Variants in GPR39 observed in about 807,000 individuals in gnomAD.
The protein encoded by GPR39 is G protein-coupled receptor 39, also known as zinc sensing receptor.
GPR39 carries 23 observed loss-of-function variants against 18.4 expected under a neutral mutation model. The ratio of observed to expected loss-of-function variants is 1.25; its 90% CI spans 0.90 to 1.77. The LOEUF is 1.77. Among genes scored for constraint, GPR39 ranks in the 40% most tolerant of loss-of-function variants. The pLI, the probability that GPR39 is intolerant of heterozygous loss-of-function variation, is 0.00. For synonymous variants in GPR39, 280 were observed against 257.9 expected (o/e 1.09, Z -0.82); for missense variants, 647 against 602.4 (o/e 1.07, Z -0.78).
intron 1 of GPR39, among the ~76,000 whole-genome samples, chr2:132,492,937 TAC>T (rs1366900234): frequency 7.5e-4 from 107 of 142,034 alleles, no homozygotes; most frequent in African/African-American, 1.4e-3. Context: ...ACACCATATA[TAC>T]ACACCATATA....
At chr2:132,439,713 A>AT (rs1248293666) in intron 1 of GPR39, among the ~76,000 whole-genome samples, 8 of 152,170 alleles carry the variant, frequency 5.3e-5, no homozygotes, top group African/African-American at 1.9e-4. Flanking sequence ...GAGAGAAGTG[A>AT]TTTTTAAAAA....
intron 1 of GPR39, among the ~76,000 whole-genome samples, chr2:132,524,922 C>T (rs1490054781): frequency 6.6e-6 from 1 of 152,188 alleles, no homozygotes; most frequent in Non-Finnish European, 1.5e-5. Flanking sequence ...TCATTTTCCT[C>T]TGCGAATCGC....
At chr2:132,627,293 T>C (rs1681567571) in intron 1 of GPR39, among the ~76,000 whole-genome samples, 1 of 152,202 alleles carries the variant, frequency 6.6e-6, no homozygotes, top group South Asian at 2.1e-4. Flanking sequence ...CATCGGGTAC[T>C]CTTACTGGAG....
intron 1 of GPR39, among the ~76,000 whole-genome samples, chr2:132,476,702 A>G (rs1681135973): frequency 6.6e-6 from 1 of 151,214 alleles, no homozygotes; most frequent in East Asian, 1.9e-4. Context: ...CACTGATAAC[A>G]TGGCGGGAAA....
intron 1 of GPR39, among the ~76,000 whole-genome samples, chr2:132,450,067 A>G (rs568467622): frequency 6.6e-6 from 1 of 152,328 alleles, no homozygotes; most frequent in African/African-American, 2.4e-5. Flanking sequence ...ATGTGGAACC[A>G]TCAGGGTTTC....
chr2:132,645,073 T>C (rs1473543196), intron 1 of GPR39, 28 bp from the exon 2 acceptor site: 1 of 1,586,792 alleles, frequency 6.3e-7, no homozygotes, highest in Non-Finnish European at 8.6e-7. Flanking sequence ...CTTTTCTCTG[T>C]CTCTCCCTCC....
At chr2:132,484,214 T>C (rs1417515175) in intron 1 of GPR39, among the ~76,000 whole-genome samples, 1 of 152,250 alleles carries the variant, frequency 6.6e-6, no homozygotes, top group African/African-American at 2.4e-5. Context: ...CTAATGAGCA[T>C]GCCTATGGCC....
chr2:132,569,566 G>T (rs1023000683), intron 1 of GPR39, among the ~76,000 whole-genome samples: 16 of 151,694 alleles, frequency 1.1e-4, no homozygotes, highest in Admixed American at 3.3e-4. Flanking sequence ...CGGCTTTGAG[G>T]GCTGAGTTCT....
intron 1 of GPR39, among the ~76,000 whole-genome samples, chr2:132,455,187 A>G (rs1680698845): frequency 6.6e-6 from 1 of 152,096 alleles, no homozygotes; most frequent in East Asian, 1.9e-4. Context: ...CAGAGATTCG[A>G]CTTCTTCCTG....
In GPR39 at chr2:132,545,534, A is replaced by G. The variant is rs374088283; in HGVS notation, c.857-99567A>G. Among the ~76,000 whole-genome samples the G allele has an allele frequency of 9.2e-5, 14 of 152,290 alleles. No individual in the cohort carries two copies. The East Asian group carries it at 1.9e-3, about 21-fold the overall frequency. ...TAAATCCTACATTCACTCACCAAAC[A>G]CTTACTAATGCTAAGAGTGGCTATA... On this transcript the variant is annotated intron_variant, in intron 1 of 1. Transcript: ENST00000329321.
At chr2:132,508,398 A>G (rs568789459) in intron 1 of GPR39, among the ~76,000 whole-genome samples, 4 of 152,160 alleles carry the variant, frequency 2.6e-5, no homozygotes, top group Non-Finnish European at 5.9e-5. Flanking sequence ...TCCTGAAGGA[A>G]CATAGACTTC....
chr2:132,570,427 A>G (rs903227862), intron 1 of GPR39, among the ~76,000 whole-genome samples: 1 of 152,036 alleles, frequency 6.6e-6, no homozygotes, highest in African/African-American at 2.4e-5. Flanking sequence ...CCTCTACTAT[A>G]TCTACTTCTA....
chr2:132,557,842 C>T (rs1046638371), intron 1 of GPR39, among the ~76,000 whole-genome samples: 5 of 152,162 alleles, frequency 3.3e-5, no homozygotes, highest in Non-Finnish European at 5.9e-5. Context: ...CCGCGTTTCT[C>T]GTGACCTCCC....
At chr2:132,500,186 T>G (rs1352006319) in intron 1 of GPR39, among the ~76,000 whole-genome samples, 1 of 152,200 alleles carries the variant, frequency 6.6e-6, no homozygotes, top group East Asian at 1.9e-4. Context: ...TGTTTTCAAC[T>G]CTTCCCTGTT....
chr2:132,482,556 C>A (rs796315493), intron 1 of GPR39, among the ~76,000 whole-genome samples: 12 of 152,252 alleles, frequency 7.9e-5, no homozygotes, highest in African/African-American at 2.6e-4. Flanking sequence ...AGTTCAGATT[C>A]AAGAGAAGGG....
At chr2:132,560,572 C>T (rs1400276762) in intron 1 of GPR39, among the ~76,000 whole-genome samples, 1 of 152,230 alleles carries the variant, frequency 6.6e-6, no homozygotes, top group East Asian at 1.9e-4. Context: ...TTCCGATTTC[C>T]CAGTCCAGGA....
intron 1 of GPR39, among the ~76,000 whole-genome samples, chr2:132,626,804 T>A (rs942254032): frequency 1.3e-5 from 2 of 152,214 alleles, no homozygotes; most frequent in African/African-American, 4.8e-5. Flanking sequence ...ATTGAGACTC[T>A]TATGGTTGGA....
At chr2:132,598,381 G>C (rs965791426) in intron 1 of GPR39, among the ~76,000 whole-genome samples, 2 of 141,784 alleles carry the variant, frequency 1.4e-5, no homozygotes, top group African/African-American at 5.2e-5. Context: ...TTTTTTTTAA[G>C]ATAATGATGC....
At chr2:132,559,585 C>T (rs1228418235) in intron 1 of GPR39, among the ~76,000 whole-genome samples, 1 of 152,046 alleles carries the variant, frequency 6.6e-6, no homozygotes, top group Non-Finnish European at 1.5e-5. Context: ...GGGCAGCAAA[C>T]AGCTCTCCCG....
Sources: allele counts gnomAD v4.1 joint callset (sites outside exome capture counted in the v4.1 genomes callset), GRCh38; gene constraint gnomAD v4.1.1; transcripts MANE v1.5; gene names NCBI Gene and HGNC (gene_info 2026-07-23, HGNC 2026-07-21).